Variants in BNC2 observed in about 807,000 individuals in gnomAD.
The protein encoded by BNC2 is basonuclin zinc finger protein 2.
Under a neutral mutation model 76.3 loss-of-function variants are expected in BNC2, and 20 were observed. That is an observed-to-expected ratio of 0.26 (90% CI 0.18 to 0.38). BNC2 has a LOEUF of 0.38. Among genes scored for constraint, BNC2 ranks in the 10% least tolerant of loss-of-function variants. BNC2 has a pLI of 1.00. For missense variants in BNC2, 1,382 were observed against 1,399.8 expected (o/e 0.99, Z 0.20); for synonymous variants, 582 against 514.8 (o/e 1.13, Z -1.77).
intron 3 of BNC2, among the ~76,000 whole-genome samples, chr9:16,679,990 T>C (rs1253226218): frequency 1.3e-5 from 2 of 152,204 alleles, no homozygotes; most frequent in East Asian, 3.9e-4. Context: ...GTAATTTTGT[T>C]TCGCATAGGG....
chr9:16,660,761 C>T lies in BNC2; in HGVS notation c.330+67036G>A, dbSNP rs550769542. Among the ~76,000 whole-genome samples the T allele has an allele frequency of 2.0e-5, 3 of 152,018 alleles. No homozygotes were observed. In the South Asian group the frequency reaches 6.2e-4, roughly 32 times the overall value. ...GAAAATACTCAGGAAAAAAAAATAACAACACAACAATAAAAATAATAGTAA... is the reference window on the plus strand; with the variant it reads ...GAAAATACTCAGGAAAAAAAAATAATAACACAACAATAAAAATAATAGTAA... On this transcript the variant is annotated intron_variant, in intron 3 of 6. Coordinates refer to ENST00000380672, the MANE Select transcript of BNC2 (RefSeq NM_017637.6).
chr9:16,488,233 C>T (rs1416073684), intron 5 of BNC2, among the ~76,000 whole-genome samples: 2 of 152,018 alleles, frequency 1.3e-5, no homozygotes, highest in Non-Finnish European at 2.9e-5. Flanking sequence ...ATTTTTCTCC[C>T]CAACGTACTA....
intron 1 of BNC2, among the ~76,000 whole-genome samples, chr9:16,807,303 C>T (rs1005726719): frequency 6.6e-6 from 1 of 152,134 alleles, no homozygotes; most frequent in African/African-American, 2.4e-5. Context: ...AGTATCAGAA[C>T]ACAACATAGT....
chr9:16,762,376 TTC>T (rs1302045926), intron 1 of BNC2, among the ~76,000 whole-genome samples: 5 of 152,176 alleles, frequency 3.3e-5, no homozygotes, highest in Non-Finnish European at 7.3e-5. Context: ...CCAAATGTTT[TTC>T]TCTTTCCTAG....
At chr9:16,444,779 T>C (rs1296081506) in intron 5 of BNC2, among the ~76,000 whole-genome samples, 6 of 152,184 alleles carry the variant, frequency 3.9e-5, no homozygotes, top group Non-Finnish European at 7.3e-5. Context: ...AGTCCTCTTC[T>C]CTCTCATTCT....
At chr9:16,693,858 C>G (rs942699508) in intron 3 of BNC2, among the ~76,000 whole-genome samples, 1 of 152,198 alleles carries the variant, frequency 6.6e-6, no homozygotes, top group Non-Finnish European at 1.5e-5. Flanking sequence ...TGGGGACAGA[C>G]ATTAACTGTA....
intron 4 of BNC2, among the ~76,000 whole-genome samples, chr9:16,568,833 G>C (rs1453218104): frequency 6.6e-6 from 1 of 152,120 alleles, no homozygotes; most frequent in Non-Finnish European, 1.5e-5. Context: ...ATGACGTGAA[G>C]TAATATTTAG....
chr9:16,734,528 C>T (rs1182602438), intron 2 of BNC2, among the ~76,000 whole-genome samples: 1 of 152,178 alleles, frequency 6.6e-6, no homozygotes, highest in Non-Finnish European at 1.5e-5. Flanking sequence ...GTTCTGGCCA[C>T]CTTGACTGGG....
rs1819235401 is a variant in BNC2, at chr9:16,855,645, C to G, written c.3+15001G>C. Among the ~76,000 whole-genome samples the G allele has an allele frequency of 3.3e-5, 5 of 152,156 alleles. No homozygotes were observed. In the South Asian group the frequency reaches 1.0e-3, roughly 32 times the overall value. On this transcript the variant is annotated intron_variant, in intron 1 of 6. Coordinates refer to ENST00000380672, the MANE Select transcript of BNC2 (RefSeq NM_017637.6). ...CTCCACCTCCCGGGTTCACGCCATTCTCCTGCCTCAGCCTCCCACGTAGCT... is the reference window on the plus strand; with the variant it reads ...CTCCACCTCCCGGGTTCACGCCATTGTCCTGCCTCAGCCTCCCACGTAGCT...
chr9:16,645,173 T>A (rs938909926), intron 3 of BNC2, among the ~76,000 whole-genome samples: 14 of 152,080 alleles, frequency 9.2e-5, no homozygotes, highest in African/African-American at 3.1e-4. Flanking sequence ...TTGGCTTGGA[T>A]AAGAGAAAAA....
At position 16,665,107 on chromosome 9, in the gene BNC2, G is replaced by A. The variant is rs563306899; in HGVS notation, c.330+62690C>T. ...CTTTCAGCCGGGTGCAGTGGCTCAC[G>A]CCTGTAATCCCAGCACTTTGGAAGT... On this transcript the variant is annotated intron_variant, in intron 3 of 6. Transcript: ENST00000380672. 76 of 455,548 alleles carry A rather than the reference G, an allele frequency of 1.7e-4. No individual in the cohort carries two copies. In the East Asian group the frequency reaches 3.6e-3, roughly 22 times the overall value. 28.2% of individuals were successfully genotyped at this position (455,548 alleles called of 1,614,324 possible).
chr9:16,616,837 A>AAGGAAGGAAGGAAGGAAGGC lies in BNC2; in HGVS notation c.331-33753_331-33752insGCCTTCCTTCCTTCCTTCCT, dbSNP rs1431416345. Among the ~76,000 whole-genome samples the AAGGAAGGAAGGAAGGAAGGC allele has an allele frequency of 4.9e-3, 733 of 150,028 alleles. 16 individuals carry two copies. Among genetic ancestry groups the AAGGAAGGAAGGAAGGAAGGC allele is most frequent in the African/African-American group, 0.017 (698 of 40,996 alleles). ...GAAGGAAGAAAGGAAGGAAGGAAGG[A>AAGGAAGGAAGGAAGGAAGGC]AGTTCTACTGACACGTGGGAATTTC... On this transcript the variant is annotated intron_variant, in intron 3 of 6. Transcript: ENST00000380672.
chr9:16,789,834 A>G lies in BNC2; in HGVS notation c.4-51349T>C, dbSNP rs567062639. On this transcript the variant is annotated intron_variant, in intron 1 of 6. Coordinates refer to ENST00000380672, the MANE Select transcript of BNC2 (RefSeq NM_017637.6). The stretch of plus-strand genomic sequence containing the variant: ...CCTGGCACACTGCAGACACTCAATA[A>G]GCCTTTATTGGAATAAATGTTTCTT... Among the ~76,000 whole-genome samples, 15 of 152,326 alleles carry G rather than the reference A, an allele frequency of 9.8e-5. No homozygotes were observed. The South Asian group carries it at 3.1e-3, about 32-fold the overall frequency.
chr9:16,697,107 T>C (rs901972418), intron 3 of BNC2, among the ~76,000 whole-genome samples: 2 of 152,100 alleles, frequency 1.3e-5, no homozygotes, highest in African/African-American at 4.8e-5. Flanking sequence ...ATGCCTGTAA[T>C]CCCAGCACTT....
At chr9:16,692,873 T>C (rs1185426935) in intron 3 of BNC2, among the ~76,000 whole-genome samples, 1 of 152,122 alleles carries the variant, frequency 6.6e-6, no homozygotes, top group Non-Finnish European at 1.5e-5. Flanking sequence ...CTCATGCCTG[T>C]AATTCCAGCA....
rs1427746122 is a variant in BNC2 at position 16,513,314 on chromosome 9, T to A, written c.669+39216A>T. Among the ~76,000 whole-genome samples the A allele has an allele frequency of 2.1e-5, 3 of 140,800 alleles. No individual in the cohort carries two copies. In the East Asian group the frequency reaches 6.1e-4, roughly 28 times the overall value. The allele number at this position is 140,800 out of a possible 152,430, so 92.4% of individuals were successfully genotyped here. On this transcript the variant is annotated intron_variant, in intron 5 of 6. Transcript: ENST00000380672. ...AGAAAAGGTTCTTTTTTTTTTTTTT[T>A]TTTTTTTTTTGAGACAGAGTCTCGC...
intron 3 of BNC2, among the ~76,000 whole-genome samples, chr9:16,601,709 AG>A (rs1820249554): frequency 0.036 from 1 of 28 alleles, no homozygotes; most frequent in East Asian, 0.5. Context: ...TGGATGCAGG[AG>A]AAAAGATATA....
chr9:16,809,289 T>G (rs1272149689), intron 1 of BNC2, among the ~76,000 whole-genome samples: 3 of 152,078 alleles, frequency 2.0e-5, no homozygotes, highest in African/African-American at 7.2e-5. Context: ...TTCAGTGGTC[T>G]ACAGTGTGTT....
intron 3 of BNC2, among the ~76,000 whole-genome samples, chr9:16,621,038 C>T (rs1258183665): frequency 6.6e-6 from 1 of 152,190 alleles, no homozygotes; most frequent in African/African-American, 2.4e-5. Context: ...AGAAAACTCA[C>T]CCAAGATCAA....
Sources: gnomAD v4.1 joint callset for allele counts (sites outside exome capture counted in the v4.1 genomes callset) on GRCh38, gnomAD v4.1.1 for gene constraint, MANE v1.5 for transcripts, NCBI Gene and HGNC (gene_info 2026-07-23, HGNC 2026-07-21) for gene names.